The following CPEB3 variants were observed in gnomAD, a reference collection of about 807,000 sequenced individuals.
CPEB3 encodes the protein cytoplasmic polyadenylation element binding protein 3, also known as cytoplasmic polyadenylation element-binding protein 3.
A neutral mutation model predicts 67.2 loss-of-function variants in CPEB3; 20 were observed. That is an observed-to-expected ratio of 0.30 (90% confidence interval 0.21 to 0.43). The LOEUF (loss-of-function observed/expected upper bound fraction) is 0.43, where lower values mean the gene tolerates loss of function less well. CPEB3 is among the 20% of genes least tolerant of loss of function. CPEB3 has a pLI of 1.00. For missense variants in CPEB3, 746 were observed against 968.6 expected, an observed-to-expected ratio of 0.77 and a Z score of 3.05; for synonymous variants, 376 against 393.1, an observed-to-expected ratio of 0.96 and a Z score of 0.51.
At position 92,135,380 on chromosome 10, in the gene CPEB3, C is replaced by T. The variant is rs375485568; in HGVS notation, c.1453+7649G>A. On this transcript the variant is annotated intron_variant, in intron 6 of 9. Transcript: ENST00000265997. ...TGAATACGCACTTCTCAAAAGAAGA[C>T]ATTTATGCAGCCAACAGACACATGA... Among the ~76,000 whole-genome samples the T allele has an allele frequency of 6.6e-5, 10 of 152,284 alleles. No homozygotes were observed. In the East Asian group the frequency reaches 1.2e-3, roughly 18 times the overall value.
At chr10:92,227,680 C>T (rs1343214947) in intron 2 of CPEB3, among the ~76,000 whole-genome samples, 2 of 151,694 alleles carry the variant, frequency 1.3e-5, no homozygotes, top group Non-Finnish European at 2.9e-5. Flanking sequence ...AGGCTCCGCC[C>T]CCCGGGGTTC....
At chr10:92,216,184 TC>T in intron 2 of CPEB3, 1 of 645,290 alleles carries the variant, frequency 1.5e-6, no homozygotes, top group Non-Finnish European at 2.6e-6. Context: ...ACGCCTGTAA[TC>T]CCAGCACTTT....
rs1852148967 is a variant in CPEB3 at position 92,248,230 on chromosome 10, T to C, written c.-11-7869A>G. ...TCATCTCTAGGTTACTTATAATACC[T>C]AATACAATGTAAGTGTTATGTAAAT... On this transcript the variant is annotated intron_variant, in intron 1 of 9. Transcript: ENST00000265997. Among the ~76,000 whole-genome samples, 4 of 152,236 alleles carry C rather than the reference T, an allele frequency of 2.6e-5. No homozygotes were observed. The South Asian group carries it at 8.3e-4, about 31-fold the overall frequency.
In CPEB3 at chr10:92,183,087, A is replaced by G. The variant is rs151274908; in HGVS notation, c.1166-2068T>C. Among the ~76,000 whole-genome samples the G allele has an allele frequency of 5.9e-3, 904 of 152,262 alleles. 12 individuals carry two copies. The highest frequency in any genetic ancestry group is 0.02 in the African/African-American group (844 of 41,556). On this transcript the variant is annotated intron_variant, in intron 3 of 9. Coordinates refer to ENST00000265997, the MANE Select transcript of CPEB3 (RefSeq NM_014912.5). ...ATGTTTCATCTCTCTCTGGTTTTGC[A>G]GAGACAATTTTGCTAGCATTTGTAA... is the stretch of plus-strand genomic sequence containing the variant.
chr10:92,287,604 C>T (rs1285413227), intron 1 of CPEB3, among the ~76,000 whole-genome samples: 1 of 152,112 alleles, frequency 6.6e-6, no homozygotes. Context: ...TGTTTATATG[C>T]TTCTTTTCAG....
chr10:92,172,801 AT>A (rs958840459), intron 4 of CPEB3, among the ~76,000 whole-genome samples: 1 of 152,190 alleles, frequency 6.6e-6, no homozygotes, highest in African/African-American at 2.4e-5. Flanking sequence ...AGAAAAGTGG[AT>A]TTTTTTCCAT....
At chr10:92,093,083 G>A (rs948432624) in intron 7 of CPEB3, among the ~76,000 whole-genome samples, 2 of 152,178 alleles carry the variant, frequency 1.3e-5, no homozygotes, top group East Asian at 1.9e-4. Context: ...TCAAAGAATA[G>A]CTTAAACAAA....
intron 1 of CPEB3, among the ~76,000 whole-genome samples, chr10:92,253,404 G>A (rs1460277595): frequency 7.4e-6 from 1 of 134,948 alleles, no homozygotes; most frequent in African/African-American, 2.9e-5. Context: ...AGGTTGCAGT[G>A]AGCCGAGATC....
At chr10:92,268,896 A>G (rs1469537754) in intron 1 of CPEB3, among the ~76,000 whole-genome samples, 1 of 152,178 alleles carries the variant, frequency 6.6e-6, no homozygotes, top group Non-Finnish European at 1.5e-5. Context: ...TGCATGCAAG[A>G]AATTTCAGGA....
chr10:92,216,321 C>A, intron 2 of CPEB3: 4 of 1,583,986 alleles, frequency 2.5e-6, no homozygotes, highest in East Asian at 2.3e-5. Context: ...TAGGTTTCAG[C>A]GGCCGCTGCG....
chr10:92,104,449 C>T (rs1055278723), intron 7 of CPEB3, among the ~76,000 whole-genome samples: 1 of 148,658 alleles, frequency 6.7e-6, no homozygotes, highest in Non-Finnish European at 1.5e-5. Context: ...GTGGCTGGCA[C>T]GATCTCGGCT....
chr10:92,121,350 T>C (rs986702529), intron 6 of CPEB3, among the ~76,000 whole-genome samples: 76 of 146,626 alleles, frequency 5.2e-4, no homozygotes, highest in African/African-American at 1.4e-3. Context: ...TACACACACA[T>C]ATATATATAT....
intron 7 of CPEB3, among the ~76,000 whole-genome samples, chr10:92,099,389 C>A (rs1241908812): frequency 1.3e-5 from 2 of 148,342 alleles, no homozygotes; most frequent in Admixed American, 1.3e-4. Flanking sequence ...GGGGCCCAAG[C>A]AATCTGCCCA....
At chr10:92,229,076 T>A (rs183927080) in intron 2 of CPEB3, among the ~76,000 whole-genome samples, 126 of 152,016 alleles carry the variant, frequency 8.3e-4, no homozygotes, top group Non-Finnish European at 1.5e-3. Context: ...TAGGCTGGAA[T>A]GCAGTGGCAC....
chr10:92,082,728 G>A (rs1210228602), intron 8 of CPEB3, among the ~76,000 whole-genome samples: 2 of 152,006 alleles, frequency 1.3e-5, no homozygotes, highest in African/African-American at 4.8e-5. Context: ...ATTCCTTTTA[G>A]GCTACTCACA....
chr10:92,097,625 G>A (rs1843941800), intron 7 of CPEB3, among the ~76,000 whole-genome samples: 1 of 152,122 alleles, frequency 6.6e-6, no homozygotes, highest in Non-Finnish European at 1.5e-5. Flanking sequence ...ATACCATATA[G>A]TGACTTTAAC....
chr10:92,166,825 TC>T lies in CPEB3; in HGVS notation c.1222+14137del, dbSNP rs537120503. ...TCCTTTGAAGCCAGGCACTGACTTCTCCTCTCTCGTTATGAAAGTCCTAGAT... is the reference window on the plus strand; with the variant it reads ...TCCTTTGAAGCCAGGCACTGACTTCTCTCTCTCGTTATGAAAGTCCTAGAT... On this transcript the variant is annotated intron_variant, in intron 4 of 9. Coordinates refer to ENST00000265997, the MANE Select transcript of CPEB3 (RefSeq NM_014912.5). 4.5e-4 allele frequency among the ~76,000 whole-genome samples: 68 copies of T among 152,350 alleles called. No individual in the cohort carries two copies. In the South Asian group the frequency reaches 0.014, roughly 31 times the overall value.
chr10:92,232,586 G>A (rs1158617797), intron 2 of CPEB3, among the ~76,000 whole-genome samples: 2 of 151,354 alleles, frequency 1.3e-5, no homozygotes, highest in Non-Finnish European at 2.9e-5. Context: ...GTGAAACCCC[G>A]TCTCTACCAA....
chr10:92,206,276 T>C (rs892973756), intron 2 of CPEB3, among the ~76,000 whole-genome samples: 3 of 151,878 alleles, frequency 2.0e-5, no homozygotes, highest in Non-Finnish European at 4.4e-5. Flanking sequence ...TTTCGGCATG[T>C]TGGTCAGGCT....
Sources: gnomAD v4.1 joint callset for allele counts (sites outside exome capture counted in the v4.1 genomes callset) on GRCh38, gnomAD v4.1.1 for gene constraint, MANE v1.5 for transcripts, NCBI Gene and HGNC (gene_info 2026-07-23, HGNC 2026-07-21) for gene names.